The following MYO9A variants were observed in gnomAD, a reference collection of about 807,000 sequenced individuals.
MYO9A encodes the protein unconventional myosin-IXa.
A neutral mutation model predicts 293.3 loss-of-function variants in MYO9A; 103 were observed. That is an observed-to-expected ratio of 0.35 (90% confidence interval 0.30 to 0.41). MYO9A has a LOEUF of 0.41. Among genes scored for constraint, MYO9A ranks in the 10% least tolerant of loss-of-function variants. The pLI, the probability that MYO9A is intolerant of heterozygous loss-of-function variation, is 1.00. For missense variants in MYO9A, 2,685 were observed against 3,033.0 expected (o/e 0.89, Z 2.69); for synonymous variants, 1,001 against 1,035.7 (o/e 0.97, Z 0.64).
chr15:71,966,221 T>C (rs538712929), intron 13 of MYO9A, among the ~76,000 whole-genome samples: 8 of 151,510 alleles, frequency 5.3e-5, no homozygotes, highest in Non-Finnish European at 7.4e-5. Context: ...TCTCCATCTT[T>C]TTACTTTCAA....
intron 1 of MYO9A, among the ~76,000 whole-genome samples, chr15:72,073,596 A>G (rs1416902240): frequency 1.3e-5 from 2 of 152,220 alleles, no homozygotes; most frequent in Non-Finnish European, 2.9e-5. Flanking sequence ...GCTGTTTAAC[A>G]ATGGTTCAAC....
At chr15:72,065,142 C>T (rs2078981632) in intron 1 of MYO9A, among the ~76,000 whole-genome samples, 1 of 152,124 alleles carries the variant, frequency 6.6e-6, no homozygotes, top group African/African-American at 2.4e-5. Context: ...AAAATTAATT[C>T]ATGGACAAAA....
At chr15:71,875,263 T>C (rs1200993860) in intron 32 of MYO9A, among the ~76,000 whole-genome samples, 1 of 152,120 alleles carries the variant, frequency 6.6e-6, no homozygotes, top group Non-Finnish European at 1.5e-5. Context: ...ATTTATTTAA[T>C]CATTTCCCTA....
chr15:72,097,747 T>C (rs2080110543), intron 1 of MYO9A, among the ~76,000 whole-genome samples: 2 of 151,980 alleles, frequency 1.3e-5, no homozygotes, highest in African/African-American at 4.8e-5. Flanking sequence ...ATGTCTCTAC[T>C]AAAAATACAA....
intron 30 of MYO9A, among the ~76,000 whole-genome samples, chr15:71,878,740 A>AT (rs200866619): frequency 0.03 from 3,277 of 108,514 alleles, 193 homozygotes; most frequent in African/African-American, 0.094. Flanking sequence ...GAGATCTGGA[A>AT]TTTTTTTTTT....
intron 18 of MYO9A, among the ~76,000 whole-genome samples, chr15:71,922,052 AC>A (rs373918326): frequency 2.0e-5 from 3 of 152,146 alleles, no homozygotes; most frequent in African/African-American, 7.2e-5. Context: ...ATCCTGGCTC[AC>A]CGCAACCTCC....
At chr15:71,841,916 T>C (rs747258577) in intron 39 of MYO9A, among the ~76,000 whole-genome samples, 11 of 151,696 alleles carry the variant, frequency 7.3e-5, no homozygotes, top group Non-Finnish European at 1.3e-4. Context: ...AAAGTGCCGG[T>C]GATATTTTAA....
At chr15:71,855,153 T>C (rs955419596) in intron 34 of MYO9A, among the ~76,000 whole-genome samples, 3 of 152,112 alleles carry the variant, frequency 2.0e-5, no homozygotes, top group Admixed American at 6.5e-5. Context: ...TTCATTCATT[T>C]GAGACAGAGT....
chr15:71,830,986 T>C (rs1217150073), intron 39 of MYO9A, among the ~76,000 whole-genome samples: 1 of 150,922 alleles, frequency 6.6e-6, no homozygotes, highest in East Asian at 1.9e-4. Context: ...TTTTTTTTTT[T>C]TTTTTTTTTT....
At chr15:71,924,646 C>T (rs1386908102) in intron 18 of MYO9A, among the ~76,000 whole-genome samples, 1 of 151,756 alleles carries the variant, frequency 6.6e-6, no homozygotes, top group Non-Finnish European at 1.5e-5. Flanking sequence ...GTGGGCCAGG[C>T]GTGGTGGCTC....
At chr15:71,960,844 T>C (rs2075720604) in intron 13 of MYO9A, among the ~76,000 whole-genome samples, 3 of 152,056 alleles carry the variant, frequency 2.0e-5, no homozygotes, top group Non-Finnish European at 4.4e-5. Context: ...ATGAGAAAAC[T>C]GGGAAGAGCA....
Position 72,117,778 on chromosome 15 carries a change from G to A in MYO9A, c.-170C>T. 1 of 398,198 alleles carries A rather than the reference G, an allele frequency of 2.5e-6. No individual in the cohort carries two copies. Among genetic ancestry groups the A allele is most frequent in the Non-Finnish European group, 4.4e-6 (1 of 225,468 alleles). The allele number at this position is 398,198 out of a possible 1,614,324, so 24.7% of individuals were successfully genotyped here. On this transcript the variant is annotated 5_prime_UTR_variant, in exon 1 of 42. Transcript: ENST00000356056. The stretch of plus-strand genomic sequence containing the variant: ...GGTAGGACCGGAGATGGCAGAAGAG[G>A]CCGAGGCCACCGAGGGTCGGACGGT...
At chr15:71,907,216 A>C (rs2057689244) in intron 19 of MYO9A, among the ~76,000 whole-genome samples, 2 of 150,850 alleles carry the variant, frequency 1.3e-5, no homozygotes, top group Non-Finnish European at 2.9e-5. Context: ...TTTTTGCGAT[A>C]GTTTACTGAG....
At chr15:71,883,530 G>C (rs1164991465) in intron 28 of MYO9A, 64 bp downstream of exon 28, 1 of 1,531,656 alleles carries the variant, frequency 6.5e-7, no homozygotes, top group Non-Finnish European at 8.9e-7. Flanking sequence ...TACAGGAATA[G>C]CAAACTTTCA....
In MYO9A at chr15:72,046,328, G is replaced by C. The variant is rs1282321841; in HGVS notation, c.236C>G (p.Thr79Arg). ...FGGEEWILNP[T>R]DCPVQRMMLW... is the part of the protein sequence containing the mutation. Reference sequence around the variant, plus strand: ...CATCATTCGCTGAACTGGACAATCTGTTGGATTGAGAATCCATTCTTCTCC... The same window carrying C: ...CATCATTCGCTGAACTGGACAATCTCTTGGATTGAGAATCCATTCTTCTCC... Residue 79 changes from threonine (T) to arginine (R), a missense_variant, in exon 2 of 42, where the codon ACA becomes AGA. By Grantham distance (71) the Thr-to-Arg change is moderately conservative. This residue lies in a region of MYO9A where 22 missense variants were observed against 47.2 expected (regional missense o/e 0.47). Coordinates refer to ENST00000356056, the MANE Select transcript of MYO9A (RefSeq NM_006901.4). 3.1e-6 allele frequency: 5 copies of C among 1,614,028 alleles called. No homozygotes were observed. The highest frequency in any genetic ancestry group is 4.2e-6 in the Non-Finnish European group (5 of 1,179,878).
intron 29 of MYO9A, 125 bp from the exon 30 acceptor site, chr15:71,879,962 G>T: frequency 1.5e-6 from 1 of 665,820 alleles, no homozygotes; most frequent in East Asian, 2.6e-5. Flanking sequence ...GGCTATTATA[G>T]GACTCAGGTG....
At chr15:71,890,637 A>T (rs2057148500) in intron 26 of MYO9A, 1 of 152,196 alleles carries the variant, frequency 6.6e-6, no homozygotes, top group Non-Finnish European at 1.5e-5. Context: ...CGTTTGAAGT[A>T]AGAGGTTAAA....
At chr15:72,007,139 C>T (rs749295799) in intron 8 of MYO9A, among the ~76,000 whole-genome samples, 26 of 152,044 alleles carry the variant, frequency 1.7e-4, no homozygotes, top group Admixed American at 1.3e-4. Context: ...TGTATAGATA[C>T]GTGGATATAC....
intron 1 of MYO9A, among the ~76,000 whole-genome samples, chr15:72,100,558 C>T (rs935546560): frequency 2.4e-4 from 36 of 151,550 alleles, no homozygotes; most frequent in African/African-American, 8.2e-4. Flanking sequence ...AAGTGAGGAG[C>T]GTCTCTGCCC....
Sources: gnomAD v4.1 joint callset for allele counts (sites outside exome capture counted in the v4.1 genomes callset) on GRCh38, gnomAD v4.1.1 for gene constraint, gnomAD v4.1.1 regional missense constraint, MANE v1.5 for transcripts, NCBI Gene and HGNC (gene_info 2026-07-23, HGNC 2026-07-21) for gene names.